WWOX: variants seen among roughly 807,000 people sequenced by gnomAD.
WWOX encodes WW domain containing oxidoreductase.
Under a neutral mutation model 46.2 loss-of-function variants are expected in WWOX, and 69 were observed. The observed-to-expected ratio is 1.49, with a 90% CI of 1.23 to 1.82. The LOEUF is 1.82. WWOX is among the 40% of genes most tolerant of loss of function. The pLI, the probability that WWOX is intolerant of heterozygous loss-of-function variation, is 0.00. For missense variants in WWOX, 919 were observed against 542.6 expected (o/e 1.69, Z -6.89); for synonymous variants, 359 against 202.6 (o/e 1.77, Z -6.56).
intron 8 of WWOX, among the ~76,000 whole-genome samples, chr16:79,064,235 A>G (rs2048403623): frequency 6.6e-6 from 1 of 152,220 alleles, no homozygotes; most frequent in African/African-American, 2.4e-5. Flanking sequence ...AAGTGTTGTA[A>G]TACAAGGCAA....
At chr16:78,312,930 C>G (rs990503449) in intron 5 of WWOX, among the ~76,000 whole-genome samples, 2 of 152,216 alleles carry the variant, frequency 1.3e-5, no homozygotes, top group Non-Finnish European at 2.9e-5. Flanking sequence ...CATTCTCTCC[C>G]CTTATCAGTG....
At chr16:79,001,801 C>T (rs887501427) in intron 8 of WWOX, among the ~76,000 whole-genome samples, 1 of 152,066 alleles carries the variant, frequency 6.6e-6, no homozygotes, top group East Asian at 1.9e-4. Flanking sequence ...CTGCAGTGAA[C>T]CTCATGACTG....
intron 8 of WWOX, among the ~76,000 whole-genome samples, chr16:78,707,659 G>C (rs913780744): frequency 6.6e-6 from 1 of 152,044 alleles, no homozygotes; most frequent in Non-Finnish European, 1.5e-5. Context: ...AAGGCGGGTG[G>C]ATCACTTGAG....
In WWOX at chr16:78,849,382, TAACACGGTGA is replaced by T. The variant is rs764242999; in HGVS notation, c.1057-362222_1057-362213del. Among the ~76,000 whole-genome samples the T allele has an allele frequency of 1.4e-3, 211 of 151,342 alleles. 1 individual carries two copies. Among genetic ancestry groups the T allele is most frequent in the Non-Finnish European group, 2.3e-3 (159 of 67,800 alleles). On this transcript the variant is annotated intron_variant, in intron 8 of 8. Coordinates refer to ENST00000566780, the MANE Select transcript of WWOX (RefSeq NM_016373.4). ...GTCGGGAGATCGAGACTATCCTGGCTAACACGGTGAAACCCCATCTCTATTAAAAATACAA... is the reference window on the plus strand; with the variant it reads ...GTCGGGAGATCGAGACTATCCTGGCTAACCCCATCTCTATTAAAAATACAA...
intron 6 of WWOX, among the ~76,000 whole-genome samples, chr16:78,391,867 A>G (rs748285745): frequency 6.6e-6 from 1 of 152,134 alleles, no homozygotes; most frequent in Non-Finnish European, 1.5e-5. Flanking sequence ...GTGGCTAAAA[A>G]ACAACGTAAA....
At chr16:78,851,673 C>A (rs1198982444) in intron 8 of WWOX, among the ~76,000 whole-genome samples, 5 of 152,166 alleles carry the variant, frequency 3.3e-5, no homozygotes, top group African/African-American at 7.2e-5. Context: ...TGAGGCAATA[C>A]GTTTCAAAAT....
chr16:79,016,376 C>T (rs937034786), intron 8 of WWOX: 1 of 152,184 alleles, frequency 6.6e-6, no homozygotes, highest in Non-Finnish European at 1.5e-5. Context: ...TCACTCTCTT[C>T]CCCACTTGCC....
chr16:78,766,396 A>G (rs2049925454), intron 8 of WWOX, among the ~76,000 whole-genome samples: 1 of 152,130 alleles, frequency 6.6e-6, no homozygotes, highest in South Asian at 2.1e-4. Context: ...TGGCTTCAAA[A>G]CCAGCCTGGG....
intron 8 of WWOX, among the ~76,000 whole-genome samples, chr16:78,755,841 C>A (rs1486093194): frequency 6.6e-6 from 1 of 152,188 alleles, no homozygotes; most frequent in African/African-American, 2.4e-5. Flanking sequence ...CAAGTAACCA[C>A]CCCAGATTTT....
chr16:78,412,444 G>C (rs2082703573), intron 6 of WWOX, among the ~76,000 whole-genome samples: 1 of 152,162 alleles, frequency 6.6e-6, no homozygotes, highest in Non-Finnish European at 1.5e-5. Flanking sequence ...AAGTCTTCAT[G>C]GCGATTTTGT....
At chr16:78,367,666 G>C (rs981215650) in intron 5 of WWOX, among the ~76,000 whole-genome samples, 1 of 152,140 alleles carries the variant, frequency 6.6e-6, no homozygotes, top group Non-Finnish European at 1.5e-5. Flanking sequence ...GGAGAAGGTT[G>C]TGTCATGGAG....
At chr16:78,691,483 G>C (rs116957626) in intron 8 of WWOX, among the ~76,000 whole-genome samples, 1 of 152,116 alleles carries the variant, frequency 6.6e-6, no homozygotes, top group African/African-American at 2.4e-5. Flanking sequence ...GAAGTGGGAG[G>C]ATGGTTAGAG....
At chr16:79,014,864 C>G (rs1351993922) in intron 8 of WWOX, among the ~76,000 whole-genome samples, 1 of 152,166 alleles carries the variant, frequency 6.6e-6, no homozygotes, top group African/African-American at 2.4e-5. Context: ...TTTACAAGCA[C>G]TTAGTGAGCA....
chr16:78,765,432 A>G (rs1248628674), intron 8 of WWOX, among the ~76,000 whole-genome samples: 2 of 152,108 alleles, frequency 1.3e-5, no homozygotes, highest in African/African-American at 2.4e-5. Context: ...TAATCCCAGC[A>G]CTTTGGGAGG....
intron 8 of WWOX, among the ~76,000 whole-genome samples, chr16:79,036,508 A>G (rs1567504997): frequency 6.6e-6 from 1 of 152,206 alleles, no homozygotes; most frequent in African/African-American, 2.4e-5. Flanking sequence ...TCCTCCGAGC[A>G]GCTCCTAAGG....
Position 78,792,919 on chromosome 16 carries a change from C to T in WWOX, c.1056+360167C>T, listed in dbSNP as rs185696493. ...AGTGCTGTACAGACAGAAGGAAAGA[C>T]GCAGACCCAAACCTTGATAACCATG... On this transcript the variant is annotated intron_variant, in intron 8 of 8. Transcript: ENST00000566780. Among the ~76,000 whole-genome samples, 185 of 152,222 alleles carry T rather than the reference C, an allele frequency of 1.2e-3. 1 individual carries two copies. The highest frequency in any genetic ancestry group is 9.2e-3 in the South Asian group (44 of 4,802).
intron 8 of WWOX, among the ~76,000 whole-genome samples, chr16:78,832,214 G>T (rs2051847191): frequency 6.6e-6 from 1 of 152,160 alleles, no homozygotes. Flanking sequence ...GGGGCTCACT[G>T]ATGTGGCTTT....
At chr16:78,221,122 C>T (rs1334948695) in intron 5 of WWOX, among the ~76,000 whole-genome samples, 1 of 152,158 alleles carries the variant, frequency 6.6e-6, no homozygotes, top group East Asian at 1.9e-4. Flanking sequence ...AAAATCTCTA[C>T]AGCTTTGAGA....
intron 8 of WWOX, among the ~76,000 whole-genome samples, chr16:79,193,753 C>G (rs961243951): frequency 4.6e-5 from 7 of 152,118 alleles, no homozygotes; most frequent in African/African-American, 1.7e-4. Context: ...ATTTAGGATA[C>G]CTGAAGATTG....
Sources: gnomAD v4.1 joint callset for allele counts (sites outside exome capture counted in the v4.1 genomes callset) on GRCh38, gnomAD v4.1.1 for gene constraint, MANE v1.5 for transcripts, NCBI Gene and HGNC (gene_info 2026-07-23, HGNC 2026-07-21) for gene names.